TAFA2: variants seen among roughly 807,000 people sequenced by gnomAD.
The protein encoded by TAFA2 is TAFA chemokine like family member 2, also known as chemokine-like protein TAFA-2.
TAFA2 carries 7 observed loss-of-function variants against 18.8 expected under a neutral mutation model. That is an observed-to-expected ratio of 0.37 (90% CI 0.21 to 0.70). TAFA2 has a LOEUF of 0.70. TAFA2 is among the 30% of genes least tolerant of loss of function. TAFA2 has a pLI of 0.53. For synonymous variants in TAFA2, 60 were observed against 54.2 expected (o/e 1.11, Z -0.47); for missense variants, 122 against 158.1 (o/e 0.77, Z 1.23).
At chr12:61,840,576 A>G (rs770826907) in intron 2 of TAFA2, among the ~76,000 whole-genome samples, 6 of 152,140 alleles carry the variant, frequency 3.9e-5, no homozygotes, top group Non-Finnish European at 8.8e-5. Context: ...CTAGGAATAT[A>G]GTCTCAACCA....
intron 1 of TAFA2, among the ~76,000 whole-genome samples, chr12:62,230,126 T>G (rs919157973): frequency 6.6e-6 from 1 of 150,796 alleles, no homozygotes; most frequent in Non-Finnish European, 1.5e-5. Context: ...TTTTTCTTAG[T>G]CTAGCTAAGG....
chr12:61,953,919 T>C (rs914395515), intron 1 of TAFA2, among the ~76,000 whole-genome samples: 25 of 152,264 alleles, frequency 1.6e-4, no homozygotes, highest in African/African-American at 6.0e-4. Flanking sequence ...AAGAACATAC[T>C]TTGAAATTCT....
intron 2 of TAFA2, among the ~76,000 whole-genome samples, chr12:61,782,099 C>T (rs116645790): frequency 0.02 from 3,003 of 151,446 alleles, 100 homozygotes; most frequent in African/African-American, 0.069. Context: ...TATTTGATCC[C>T]GAAGGTATAA....
At chr12:61,875,817 G>T (rs1874819224) in intron 1 of TAFA2, among the ~76,000 whole-genome samples, 1 of 151,584 alleles carries the variant, frequency 6.6e-6, no homozygotes, top group Non-Finnish European at 1.5e-5. Flanking sequence ...ACTATGAATT[G>T]AAACAGGTGG....
At chr12:62,237,947 C>T (rs1049060193) in intron 1 of TAFA2, among the ~76,000 whole-genome samples, 2 of 152,230 alleles carry the variant, frequency 1.3e-5, no homozygotes, top group Non-Finnish European at 2.9e-5. Flanking sequence ...TCTGCTTTTA[C>T]GTCTCTGGCT....
intron 2 of TAFA2, among the ~76,000 whole-genome samples, chr12:61,822,494 C>T (rs1283655848): frequency 6.6e-6 from 1 of 152,098 alleles, no homozygotes; most frequent in Non-Finnish European, 1.5e-5. Context: ...TATCAAAATG[C>T]ATAGAAAGTA....
intron 2 of TAFA2, among the ~76,000 whole-genome samples, chr12:61,812,959 C>T (rs1871935298): frequency 6.6e-6 from 1 of 151,420 alleles, no homozygotes; most frequent in Non-Finnish European, 1.5e-5. Context: ...TTGCTATTAT[C>T]TCCTTCCCTA....
At chr12:62,104,275 G>T (rs1166845869) in intron 1 of TAFA2, among the ~76,000 whole-genome samples, 1 of 9,530 alleles carries the variant, frequency 1.0e-4, no homozygotes, top group African/African-American at 1.8e-4. Context: ...TTCTTCTGAA[G>T]CAAAAAAAAA....
intron 2 of TAFA2, among the ~76,000 whole-genome samples, chr12:61,768,743 G>C (rs1031091843): frequency 6.6e-6 from 1 of 152,068 alleles, no homozygotes; most frequent in African/African-American, 2.4e-5. Flanking sequence ...GTCTGCCAGT[G>C]GAATTGGAGA....
At chr12:61,887,435 CTTT>C (rs56953703) in intron 1 of TAFA2, among the ~76,000 whole-genome samples, 1 of 146,728 alleles carries the variant, frequency 6.8e-6, no homozygotes, top group African/African-American at 2.5e-5. Flanking sequence ...GAGCTAATTG[CTTT>C]TTTTTTTTAT....
intron 1 of TAFA2, among the ~76,000 whole-genome samples, chr12:62,238,298 T>C (rs1465251390): frequency 7.2e-5 from 11 of 152,186 alleles, no homozygotes; most frequent in Non-Finnish European, 1.5e-5. Flanking sequence ...ATTTAAATTC[T>C]AGGATACTGC....
chr12:62,200,932 T>C (rs187330514), intron 1 of TAFA2, among the ~76,000 whole-genome samples: 51 of 152,342 alleles, frequency 3.3e-4, no homozygotes, highest in South Asian at 1.0e-3. Flanking sequence ...CAGTGGTTCG[T>C]AGTTCTCCTT....
chr12:62,072,477 A>G (rs1389560250), intron 1 of TAFA2, among the ~76,000 whole-genome samples: 1 of 146,380 alleles, frequency 6.8e-6, no homozygotes, highest in East Asian at 2.1e-4. Context: ...TCAAAAAATA[A>G]TAATAATAAT....
At chr12:62,079,854 T>C (rs886435379) in intron 1 of TAFA2, among the ~76,000 whole-genome samples, 3 of 152,234 alleles carry the variant, frequency 2.0e-5, no homozygotes, top group Admixed American at 1.3e-4. Context: ...ATCTTCCCTC[T>C]TTATTAATTC....
chr12:62,168,836 AAAAC>A (rs145990392), intron 1 of TAFA2, among the ~76,000 whole-genome samples: 13 of 151,910 alleles, frequency 8.6e-5, no homozygotes, highest in African/African-American at 1.2e-4. Flanking sequence ...GATGTTGTCA[AAAAC>A]AAACAAACAA....
At chr12:61,949,733 T>G (rs1029336948) in intron 1 of TAFA2, among the ~76,000 whole-genome samples, 3 of 148,166 alleles carry the variant, frequency 2.0e-5, no homozygotes, top group African/African-American at 8.0e-5. Flanking sequence ...TCCTGGATAA[T>G]TTTTTTAATA....
chr12:61,965,218 T>C (rs940545932), intron 1 of TAFA2, among the ~76,000 whole-genome samples: 3 of 151,840 alleles, frequency 2.0e-5, no homozygotes, highest in Admixed American at 2.0e-4. Context: ...ATTAGTGACC[T>C]TATAAAAGAG....
At chr12:62,139,174 TAAAA>T (rs2062220955) in intron 1 of TAFA2, among the ~76,000 whole-genome samples, 1 of 151,990 alleles carries the variant, frequency 6.6e-6, no homozygotes, top group African/African-American at 2.4e-5. Context: ...TAGGGGAAAA[TAAAA>T]TAAAGACAAA....
intron 2 of TAFA2, among the ~76,000 whole-genome samples, chr12:61,828,358 A>G (rs1261121060): frequency 6.6e-6 from 1 of 151,914 alleles, no homozygotes; most frequent in African/African-American, 2.4e-5. Flanking sequence ...GTAAAACAAA[A>G]GAATTCTATA....
Sources: gnomAD v4.1 joint callset for allele counts (sites outside exome capture counted in the v4.1 genomes callset) on GRCh38, gnomAD v4.1.1 for gene constraint, MANE v1.5 for transcripts, NCBI Gene and HGNC (gene_info 2026-07-23, HGNC 2026-07-21) for gene names.